The following COLGALT2 variants were observed in gnomAD, a reference collection of about 807,000 sequenced individuals.
COLGALT2 encodes the protein collagen beta(1-O)galactosyltransferase 2, also known as procollagen galactosyltransferase 2.
In COLGALT2, 49 loss-of-function variants were observed where a neutral mutation model predicts 73.4. That is an observed-to-expected ratio of 0.67 (90% CI 0.53 to 0.85). The LOEUF (loss-of-function observed/expected upper bound fraction) is 0.85, where lower values mean the gene tolerates loss of function less well. COLGALT2 is among the 40% of genes least tolerant of loss of function. The pLI, the probability that COLGALT2 is intolerant of heterozygous loss-of-function variation, is 0.00. For synonymous variants in COLGALT2, 295 were observed against 307.6 expected (o/e 0.96, Z 0.43); for missense variants, 722 against 790.2 (o/e 0.91, Z 1.03).
chr1:183,937,577 G>A lies in COLGALT2; in HGVS notation c.*1184C>T. 1.0e-6 allele frequency: 1 copy of A among 985,312 alleles called. No homozygotes were observed. Among genetic ancestry groups the A allele is most frequent in the Non-Finnish European group, 1.2e-6 (1 of 829,922 alleles). 61.0% of individuals were successfully genotyped at this position (985,312 alleles called of 1,614,324 possible). A position where few individuals can be genotyped will look rare whatever the true frequency, so the allele number is the denominator to read the frequency against. Reference sequence around the variant, plus strand: ...TCTCACCTGAGATAGAGAATCATTTGTTTCCAAATAGTTCAAATCCCCCCA... The same window carrying A: ...TCTCACCTGAGATAGAGAATCATTTATTTCCAAATAGTTCAAATCCCCCCA... On this transcript the variant is annotated 3_prime_UTR_variant, in exon 12 of 12. Transcript: ENST00000361927.
intron 1 of COLGALT2, among the ~76,000 whole-genome samples, chr1:184,035,145 ACCAGTGT>A (rs71684615): frequency 0.22 from 33,108 of 151,936 alleles, 3,710 homozygotes; most frequent in East Asian, 0.46. Context: ...TAAGTAAGAC[ACCAGTGT>A]CCATACCATC....
intron 1 of COLGALT2, among the ~76,000 whole-genome samples, chr1:183,981,837 T>C (rs1671360661): frequency 1.3e-5 from 2 of 152,330 alleles, no homozygotes; most frequent in South Asian, 4.1e-4. Flanking sequence ...AAATACATTG[T>C]TAAGCAAAGC....
At chr1:183,978,337 C>G (rs1671261080) in intron 2 of COLGALT2, 73 bp downstream of exon 2, 1 of 794,750 alleles carries the variant, frequency 1.3e-6, no homozygotes, top group South Asian at 1.6e-5. Flanking sequence ...ACCTCCAAAC[C>G]TGGAAGCCCT....
chr1:184,034,119 A>G (rs1385188776), intron 1 of COLGALT2, among the ~76,000 whole-genome samples: 3 of 152,174 alleles, frequency 2.0e-5, no homozygotes, highest in African/African-American at 7.2e-5. Context: ...GTTATATCTC[A>G]TAAGCTTCCC....
At position 183,937,480 on chromosome 1, in the gene COLGALT2, G is replaced by A. The variant is rs2986574; in HGVS notation, c.*1281C>T. On this transcript the variant is annotated 3_prime_UTR_variant, in exon 12 of 12. Transcript: ENST00000361927. ...GGATATCTTTTGAGAAAGGGTGTCC[G>A]CCTGGGATTCTAAGAGCTTCCCTGG... is the stretch of plus-strand genomic sequence containing the variant. 184,824 of 985,314 alleles carry A rather than the reference G, an allele frequency of 0.19. 17,835 individuals are homozygous for A. The highest frequency in any genetic ancestry group is 0.25 in the Admixed American group (4,110 of 16,266). 61.0% of individuals were successfully genotyped at this position (985,314 alleles called of 1,614,324 possible). A position where few individuals can be genotyped will look rare whatever the true frequency, so the allele number is the denominator to read the frequency against.
chr1:183,948,596 A>G (rs1670309274), intron 8 of COLGALT2, among the ~76,000 whole-genome samples: 1 of 152,210 alleles, frequency 6.6e-6, no homozygotes. Context: ...CCATCTGTGA[A>G]AAACCCACAA....
At chr1:184,001,191 T>G (rs932165398) in intron 1 of COLGALT2, among the ~76,000 whole-genome samples, 1 of 152,206 alleles carries the variant, frequency 6.6e-6, no homozygotes, top group African/African-American at 2.4e-5. Flanking sequence ...AAAAGTCTCC[T>G]GTACTATGTT....
At position 184,037,360 on chromosome 1, in the gene COLGALT2, T is replaced by G. The variant is rs1330333800; in HGVS notation, c.-3A>C. The G allele has an allele frequency of 7.0e-7, 1 of 1,430,340 alleles. No individual in the cohort carries two copies. The highest frequency in any genetic ancestry group is 1.5e-5 in the African/African-American group (1 of 67,454). The allele number at this position is 1,430,340 out of a possible 1,614,324, so 88.6% of individuals were successfully genotyped here. The stretch of plus-strand genomic sequence containing the variant: ...GTGGCAGCAGGGCGCGCAGCCATGT[T>G]CCGGGCCGAGGCGGGCGGCGGGGAA... On this transcript the variant is annotated 5_prime_UTR_variant, in exon 1 of 12. Transcript: ENST00000361927.
At chr1:183,983,369 A>T (rs1671403887) in intron 1 of COLGALT2, among the ~76,000 whole-genome samples, 2 of 152,192 alleles carry the variant, frequency 1.3e-5, no homozygotes, top group Admixed American at 6.5e-5. Context: ...CCCCAATGTC[A>T]AAAAAGGCAA....
At chr1:184,007,029 T>G (rs1672105024) in intron 1 of COLGALT2, among the ~76,000 whole-genome samples, 1 of 152,216 alleles carries the variant, frequency 6.6e-6, no homozygotes. Context: ...TAGGGACCAT[T>G]TGAGGAAGCA....
rs572605151 is a variant in COLGALT2, at chr1:183,969,109, C to G, written c.832+160G>C. Among the ~76,000 whole-genome samples the G allele has an allele frequency of 5.3e-5, 8 of 152,014 alleles. No individual in the cohort carries two copies. In the South Asian group the frequency reaches 1.7e-3, roughly 32 times the overall value. On this transcript the variant is annotated intron_variant, in intron 5 of 11. Coordinates refer to ENST00000361927, the MANE Select transcript of COLGALT2 (RefSeq NM_015101.4). The stretch of plus-strand genomic sequence containing the variant: ...TCTTGGTCATTGGTGCTCCCAGGGA[C>G]AGCAACATAGAGGGTGCTGGTATGG...
At chr1:183,973,561 C>T (rs150529134) in intron 4 of COLGALT2, 55 bp downstream of exon 4, 156 of 1,604,622 alleles carry the variant, frequency 9.7e-5, no homozygotes, top group African/African-American at 5.8e-4. Context: ...TACTGTTGAC[C>T]GGGTGTTGCC....
At chr1:184,026,822 T>G (rs1649346919) in intron 1 of COLGALT2, among the ~76,000 whole-genome samples, 1 of 152,172 alleles carries the variant, frequency 6.6e-6, no homozygotes, top group East Asian at 1.9e-4. Flanking sequence ...GTGGCTCAAA[T>G]GAATTCTACT....
chr1:183,954,529 G>A (rs994694482), intron 7 of COLGALT2, among the ~76,000 whole-genome samples: 2 of 152,134 alleles, frequency 1.3e-5, no homozygotes, highest in Non-Finnish European at 2.9e-5. Flanking sequence ...ATTACTAAAT[G>A]GTAATTTCTT....
At chr1:184,020,264 T>C (rs1173361822) in intron 1 of COLGALT2, among the ~76,000 whole-genome samples, 2 of 152,168 alleles carry the variant, frequency 1.3e-5, no homozygotes, top group East Asian at 3.8e-4. Flanking sequence ...GCTAATATAA[T>C]AAACAAGAGT....
At chr1:183,962,339 T>A (rs1176856193) in intron 6 of COLGALT2, among the ~76,000 whole-genome samples, 1 of 151,826 alleles carries the variant, frequency 6.6e-6, no homozygotes, top group Non-Finnish European at 1.5e-5. Context: ...TTTGTATTTT[T>A]AGTAGAGACA....
In COLGALT2 at chr1:184,037,541, C is replaced by T. The variant is rs368502420; in HGVS notation, c.-184G>A. The T allele has an allele frequency of 8.8e-7, 1 of 1,130,128 alleles. No homozygotes were observed. Among genetic ancestry groups the T allele is most frequent in the Non-Finnish European group, 1.1e-6 (1 of 924,262 alleles). 70.0% of individuals were successfully genotyped at this position (1,130,128 alleles called of 1,614,324 possible). On this transcript the variant is annotated 5_prime_UTR_variant, in exon 1 of 12. Coordinates refer to ENST00000361927, the MANE Select transcript of COLGALT2 (RefSeq NM_015101.4). ...GCGGTTCCCAGGACCCTCCCGCCGC[C>T]GCTGCACCGCCCAGGCCCCAGTGCG...
At chr1:183,977,629 T>C (rs887829363) in intron 2 of COLGALT2, among the ~76,000 whole-genome samples, 14 of 151,618 alleles carry the variant, frequency 9.2e-5, no homozygotes, top group Non-Finnish European at 1.9e-4. Flanking sequence ...CTACAAAAAA[T>C]AAAAATAAAA....
chr1:183,998,652 A>G (rs1671834434), intron 1 of COLGALT2, among the ~76,000 whole-genome samples: 1 of 152,148 alleles, frequency 6.6e-6, no homozygotes, highest in Non-Finnish European at 1.5e-5. Flanking sequence ...CATTAAATTA[A>G]TCGTCTGGAG....
Sources: allele counts gnomAD v4.1 joint callset (sites outside exome capture counted in the v4.1 genomes callset), GRCh38; gene constraint gnomAD v4.1.1; transcripts MANE v1.5; gene names NCBI Gene and HGNC (gene_info 2026-07-23, HGNC 2026-07-21).